Variants in ARHGEF3 observed in about 807,000 individuals in gnomAD.
ARHGEF3 encodes Rho guanine nucleotide exchange factor 3, also known as 59.8 kDA protein.
A neutral mutation model predicts 63.2 loss-of-function variants in ARHGEF3; 28 were observed. The ratio of observed to expected loss-of-function variants is 0.44; its 90% confidence interval spans 0.33 to 0.61. The LOEUF is 0.61. ARHGEF3 is among the 20% of genes least tolerant of loss of function. ARHGEF3 has a pLI of 0.03. For missense variants in ARHGEF3, 533 were observed against 659.3 expected (o/e 0.81, Z 2.10); for synonymous variants, 266 against 254.2 (o/e 1.05, Z -0.44).
intron 1 of ARHGEF3, among the ~76,000 whole-genome samples, chr3:57,046,437 T>C (rs1704457487): frequency 1.3e-5 from 2 of 152,194 alleles, no homozygotes; most frequent in Non-Finnish European, 2.9e-5. Context: ...GGCTCAATCT[T>C]AGCTCCATCT....
At chr3:57,002,479 T>TATATATTTTA (rs1285310560) in intron 2 of ARHGEF3, among the ~76,000 whole-genome samples, 1 of 39,472 alleles carries the variant, frequency 2.5e-5, no homozygotes, top group African/African-American at 1.5e-4. Context: ...TATATATATG[T>TATATATTTTA]TATATATATA....
In ARHGEF3 at chr3:56,727,703, TTTAAATA is replaced by T. The variant is rs1291506164; in HGVS notation, c.*1560_*1566del. On this transcript the variant is annotated 3_prime_UTR_variant, in exon 10 of 10. Transcript: ENST00000296315. The stretch of plus-strand genomic sequence containing the variant: ...ATCAATAACGACTTGAGAAAGCAGT[TTTAAATA>T]AACTTGTAATAGAAAAAATTCATCA... 1 of 152,530 alleles carries T rather than the reference TTTAAATA, an allele frequency of 6.6e-6. No homozygotes were observed. The highest frequency in any genetic ancestry group is 1.5e-5 in the Non-Finnish European group (1 of 68,042). The allele number at this position is 152,530 out of a possible 1,614,324, so 9.4% of individuals were successfully genotyped here.
intron 4 of ARHGEF3, among the ~76,000 whole-genome samples, chr3:56,875,063 A>G (rs763431448): frequency 6.6e-6 from 1 of 152,184 alleles, no homozygotes; most frequent in Non-Finnish European, 1.5e-5. Context: ...TGCGACTCAG[A>G]TCCAAAAGCT....
rs551301431 is a variant in ARHGEF3, at chr3:56,920,016, C to T, written c.130-37662G>A. Among the ~76,000 whole-genome samples the T allele has an allele frequency of 3.3e-5, 5 of 152,294 alleles. No individual in the cohort carries two copies. In the East Asian group the frequency reaches 9.7e-4, roughly 29 times the overall value. On this transcript the variant is annotated intron_variant, in intron 3 of 12. Transcript: ENST00000338458. ...CAAACCACTAGAGAAGGATCGCTAA[C>T]AATGGGACAATTCACTTGCCTCTTG...
intron 2 of ARHGEF3, among the ~76,000 whole-genome samples, chr3:56,991,507 T>G (rs1489615621): frequency 6.6e-6 from 1 of 152,232 alleles, no homozygotes; most frequent in African/African-American, 2.4e-5. Flanking sequence ...TAAAGTTAAG[T>G]TGTTAACTTG....
At chr3:56,975,738 G>T in intron 2 of ARHGEF3, 2 of 404,768 alleles carry the variant, frequency 4.9e-6, no homozygotes, top group South Asian at 1.8e-5. Flanking sequence ...ACAGAGGAAA[G>T]GAGATGGAAA....
chr3:56,761,869 A>G lies in ARHGEF3; in HGVS notation c.205-6718T>C, dbSNP rs1307240240. Among the ~76,000 whole-genome samples, 22 of 152,260 alleles carry G rather than the reference A, an allele frequency of 1.4e-4. 1 individual carries two copies. The highest frequency in any genetic ancestry group is 1.9e-4 in the Non-Finnish European group (13 of 68,016). ...ACCTCCCTGCCCCAATATTTAACCA[A>G]TATCCTACCCTAATTGCCCTAGGAT... On this transcript the variant is annotated intron_variant, in intron 2 of 9. Transcript: ENST00000296315.
intron 4 of ARHGEF3, among the ~76,000 whole-genome samples, chr3:56,813,774 C>A (rs1314031966): frequency 1.3e-5 from 2 of 152,176 alleles, no homozygotes; most frequent in Non-Finnish European, 2.9e-5. Flanking sequence ...ATGCTTGCCT[C>A]ATGCCACTCT....
At chr3:57,002,462 C>CTATATATATATATATATATATGTTATATA in intron 2 of ARHGEF3, among the ~76,000 whole-genome samples, 1 of 38,678 alleles carries the variant, frequency 2.6e-5, no homozygotes, top group South Asian at 9.2e-4. Flanking sequence ...GTTCTAAGCA[C>CTATATATATATATATATATATGTTATATA]TATATATATA....
chr3:56,940,050 G>GGCT (rs1182425778), intron 3 of ARHGEF3: 1 of 152,128 alleles, frequency 6.6e-6, no homozygotes, highest in Non-Finnish European at 1.5e-5. Context: ...AGAGAGAGAA[G>GGCT]GCTGTCTCTC....
intron 1 of ARHGEF3, among the ~76,000 whole-genome samples, chr3:57,055,637 T>A (rs1704895021): frequency 6.6e-6 from 1 of 152,136 alleles, no homozygotes; most frequent in African/African-American, 2.4e-5. Context: ...AGGATATACT[T>A]TTAGGGTAAA....
At chr3:56,859,036 G>T (rs2039978153) in intron 4 of ARHGEF3, among the ~76,000 whole-genome samples, 1 of 152,206 alleles carries the variant, frequency 6.6e-6, no homozygotes, top group Admixed American at 6.5e-5. Flanking sequence ...ATGGGACTGT[G>T]GGGGCAGGGA....
At chr3:56,896,418 A>G (rs965914372) in intron 3 of ARHGEF3, among the ~76,000 whole-genome samples, 8 of 152,190 alleles carry the variant, frequency 5.3e-5, no homozygotes, top group Non-Finnish European at 1.2e-4. Context: ...CTTACACAGG[A>G]TAATTATTAT....
chr3:57,036,568 T>C (rs1703970888), intron 1 of ARHGEF3, among the ~76,000 whole-genome samples: 1 of 152,138 alleles, frequency 6.6e-6, no homozygotes, highest in South Asian at 2.1e-4. Context: ...ACTCTGGGTG[T>C]GGTTGAGGAT....
chr3:56,971,703 A>C (rs1233065142), intron 2 of ARHGEF3, among the ~76,000 whole-genome samples: 1 of 151,794 alleles, frequency 6.6e-6, no homozygotes, highest in Non-Finnish European at 1.5e-5. Flanking sequence ...TACAAAAAAA[A>C]AATTAGTGGG....
At chr3:57,059,537 C>T (rs1444777198) in intron 1 of ARHGEF3, among the ~76,000 whole-genome samples, 1 of 151,994 alleles carries the variant, frequency 6.6e-6, no homozygotes, top group African/African-American at 2.4e-5. Flanking sequence ...TGGTGAGCAG[C>T]ATGATTACAA....
intron 2 of ARHGEF3, among the ~76,000 whole-genome samples, chr3:57,012,200 C>G (rs1702731228): frequency 6.6e-6 from 1 of 152,186 alleles, no homozygotes; most frequent in Admixed American, 6.5e-5. Flanking sequence ...GAATGGCCAA[C>G]ATTCATTCAG....
chr3:56,993,363 G>A (rs749971834), intron 2 of ARHGEF3, among the ~76,000 whole-genome samples: 20 of 151,864 alleles, frequency 1.3e-4, no homozygotes, highest in Non-Finnish European at 7.4e-5. Context: ...CTTTGTGGGG[G>A]TTTTTTGTTG....
chr3:56,773,053 C>A (rs2036091811), intron 2 of ARHGEF3, among the ~76,000 whole-genome samples: 1 of 152,050 alleles, frequency 6.6e-6, no homozygotes, highest in Non-Finnish European at 1.5e-5. Flanking sequence ...ATGTAAAGGG[C>A]CAGATGGTAA....
Sources: allele counts gnomAD v4.1 joint callset (sites outside exome capture counted in the v4.1 genomes callset), GRCh38; gene constraint gnomAD v4.1.1; transcripts MANE v1.5; gene names NCBI Gene and HGNC (gene_info 2026-07-23, HGNC 2026-07-21).